The following ARID4B variants were observed in gnomAD, a reference collection of about 807,000 sequenced individuals.
The protein encoded by ARID4B is AT-rich interaction domain 4B.
ARID4B carries 26 observed loss-of-function variants against 147.5 expected under a neutral mutation model. That is an observed-to-expected ratio of 0.18 (90% confidence interval 0.13 to 0.24). The LOEUF is 0.24. Among genes scored for constraint, ARID4B ranks in the 10% least tolerant of loss-of-function variants. ARID4B has a pLI of 1.00. For missense variants in ARID4B, 1,179 were observed against 1,511.5 expected, an observed-to-expected ratio of 0.78 and a Z score of 3.65; for synonymous variants, 512 against 507.9, an observed-to-expected ratio of 1.01 and a Z score of -0.11.
chr1:235,195,712 T>C (rs946538714), intron 18 of ARID4B, among the ~76,000 whole-genome samples: 1 of 152,114 alleles, frequency 6.6e-6, no homozygotes, highest in Non-Finnish European at 1.5e-5. Flanking sequence ...ACAGCTACAA[T>C]AATAACCTAT....
intron 13 of ARID4B, among the ~76,000 whole-genome samples, chr1:235,222,355 T>C (rs1341804111): frequency 6.6e-6 from 1 of 152,236 alleles, no homozygotes; most frequent in East Asian, 1.9e-4. Context: ...ATAAATGCAG[T>C]TCTGCAGAAA....
At chr1:235,319,701 G>T (rs1309536107) in intron 2 of ARID4B, among the ~76,000 whole-genome samples, 1 of 151,992 alleles carries the variant, frequency 6.6e-6, no homozygotes. Context: ...ACAGCAAAAA[G>T]ACTTTTTTAA....
rs745757772 is a variant in ARID4B, at chr1:235,172,763, C to T, written c.3666G>A (p.Ser1222=). ...PKVYKWSFQM[S]DLENMTSAER... is the part of the protein sequence containing the mutation. ...CGGCACTTGTCATATTTTCCAGGTC[C>T]GCTATAAATTTAAAGCTTTCATTAA... Residue 1222 remains serine, a splice_region_variant and synonymous_variant, in exon 23 of 24, where the codon TCG becomes TCA. Transcript: ENST00000264183. The T allele has an allele frequency of 1.6e-5, 25 of 1,536,554 alleles. No individual in the cohort carries two copies. Among genetic ancestry groups the T allele is most frequent in the East Asian group, 7.1e-5 (3 of 42,072 alleles).
Position 235,230,594 on chromosome 1 carries a change from T to TAAAAAAAAAAAAA in ARID4B, c.742+506_742+518dup, listed in dbSNP as rs1175996354. 4.3e-3 allele frequency among the ~76,000 whole-genome samples: 248 copies of TAAAAAAAAAAAAA among 58,342 alleles called. 10 individuals are homozygous for TAAAAAAAAAAAAA. The highest frequency in any genetic ancestry group is 0.015 in the African/African-American group (231 of 14,954). The allele number at this position is 58,342 out of a possible 152,430, so 38.3% of individuals were successfully genotyped here. A position where few individuals can be genotyped will look rare whatever the true frequency, so the allele number is the denominator to read the frequency against. ...TAGATTATTATGCCTGACTATAAGC[T>TAAAAAAAAAAAAA]AAAAAAAAAAAAAAAAAAAAAACCA... On this transcript the variant is annotated intron_variant, in intron 10 of 23. Coordinates refer to ENST00000264183, the MANE Select transcript of ARID4B (RefSeq NM_016374.6).
chr1:235,218,679 A>G (rs1667248176), intron 16 of ARID4B, among the ~76,000 whole-genome samples: 1 of 152,180 alleles, frequency 6.6e-6, no homozygotes, highest in Non-Finnish European at 1.5e-5. Flanking sequence ...TGAAATCTTT[A>G]CTGTTTCTTA....
At chr1:235,254,631 T>C (rs1265803156) in intron 5 of ARID4B, among the ~76,000 whole-genome samples, 1 of 151,576 alleles carries the variant, frequency 6.6e-6, no homozygotes, top group Non-Finnish European at 1.5e-5. Context: ...GAGACAAGAA[T>C]AAAGCAACAG....
intron 22 of ARID4B, 61 bp from the exon 23 acceptor site, chr1:235,172,825 G>GA (rs1291536385): frequency 7.6e-7 from 1 of 1,319,310 alleles, no homozygotes; most frequent in Admixed American, 3.1e-5. Flanking sequence ...ATACAAAAAG[G>GA]AGAGAACATC....
intron 19 of ARID4B, among the ~76,000 whole-genome samples, chr1:235,189,542 G>T (rs190097259): frequency 1.3e-5 from 2 of 151,908 alleles, no homozygotes; most frequent in East Asian, 3.9e-4. Flanking sequence ...AAATTAAAAG[G>T]TGAGCATATT....
At chr1:235,193,983 C>G (rs780223015) in intron 19 of ARID4B, 30 bp downstream of exon 19, 1 of 1,451,264 alleles carries the variant, frequency 6.9e-7, no homozygotes, top group South Asian at 1.2e-5. Flanking sequence ...AAATCAAATA[C>G]TTGCACAACA....
At chr1:235,317,822 T>A in intron 2 of ARID4B, among the ~76,000 whole-genome samples, 1 of 152,298 alleles carries the variant, frequency 6.6e-6, no homozygotes, top group Non-Finnish European at 1.5e-5. Flanking sequence ...TAATAAGTAT[T>A]CAATAAATAT....
At chr1:235,308,852 T>G (rs939382291) in intron 2 of ARID4B, among the ~76,000 whole-genome samples, 4 of 152,216 alleles carry the variant, frequency 2.6e-5, no homozygotes, top group Non-Finnish European at 5.9e-5. Flanking sequence ...CCACCTGCCT[T>G]GGCCTCCCAA....
chr1:235,240,035 G>A (rs990915832), intron 8 of ARID4B, among the ~76,000 whole-genome samples: 3 of 151,986 alleles, frequency 2.0e-5, no homozygotes, highest in Non-Finnish European at 4.4e-5. Context: ...ATGGACTTAG[G>A]AGCTTTAAAA....
intron 14 of ARID4B, 104 bp from the exon 15 acceptor site, chr1:235,220,649 T>A: frequency 1.1e-6 from 1 of 906,968 alleles, no homozygotes; most frequent in East Asian, 3.0e-5. Context: ...CTCTCAGATA[T>A]TGAGCCATAT....
intron 2 of ARID4B, 68 bp from the exon 3 acceptor site, chr1:235,260,820 T>G (rs1670247148): frequency 9.3e-7 from 1 of 1,074,764 alleles, no homozygotes. Flanking sequence ...GACCTCAGAA[T>G]AGTGAGCCTA....
chr1:235,298,244 TA>T (rs1444918064), intron 2 of ARID4B, among the ~76,000 whole-genome samples: 1 of 152,154 alleles, frequency 6.6e-6, no homozygotes, highest in Non-Finnish European at 1.5e-5. Flanking sequence ...CATGAATATG[TA>T]AAACATCAGT....
At chr1:235,292,615 CA>C (rs34794245) in intron 2 of ARID4B, among the ~76,000 whole-genome samples, 22,625 of 122,546 alleles carry the variant, frequency 0.18, 2,174 homozygotes, top group African/African-American at 0.36. Flanking sequence ...GACTGTGTCT[CA>C]AAAAAAAAAA....
rs1217922362 is a variant in ARID4B, at chr1:235,183,628, C to T, written c.2126-835G>A. On this transcript the variant is annotated intron_variant, in intron 19 of 23. Transcript: ENST00000264183. ...CACAGTGCACTTCAGCCTCAAACTC[C>T]TAGGCTCAAGAGATCCTCCCACCTC... 2.6e-5 allele frequency among the ~76,000 whole-genome samples: 4 copies of T among 152,342 alleles called. No individual in the cohort carries two copies. The East Asian group carries it at 7.7e-4, about 29-fold the overall frequency.
intron 8 of ARID4B, among the ~76,000 whole-genome samples, chr1:235,238,858 G>GAA (rs1668795838): frequency 6.8e-6 from 1 of 146,124 alleles, no homozygotes. Flanking sequence ...CTGTCTCCGG[G>GAA]GAAAAAAAAA....
intron 2 of ARID4B, among the ~76,000 whole-genome samples, chr1:235,309,034 G>A (rs1274245389): frequency 5.5e-5 from 8 of 144,238 alleles, no homozygotes; most frequent in Admixed American, 2.7e-4. Context: ...AGTGAGGAGC[G>A]CCTCTTCCCG....
Sources: gnomAD v4.1 joint callset for allele counts (sites outside exome capture counted in the v4.1 genomes callset) on GRCh38, gnomAD v4.1.1 for gene constraint, MANE v1.5 for transcripts, NCBI Gene and HGNC (gene_info 2026-07-23, HGNC 2026-07-21) for gene names.